UBXN2B: variants seen among roughly 807,000 people sequenced by gnomAD.
UBXN2B encodes the protein UBX domain-containing protein 2B.
A neutral mutation model predicts 37.5 loss-of-function variants in UBXN2B; 19 were observed. The ratio of observed to expected loss-of-function variants is 0.51; its 90% CI spans 0.35 to 0.74. The LOEUF is 0.74. UBXN2B is among the 30% of genes least tolerant of loss of function. The pLI is 0.01. For missense variants in UBXN2B, 370 were observed against 393.2 expected, an observed-to-expected ratio of 0.94 and a Z score of 0.50; for synonymous variants, 145 against 143.8, an observed-to-expected ratio of 1.01 and a Z score of -0.06.
intron 1 of UBXN2B, among the ~76,000 whole-genome samples, chr8:58,414,206 TCTCTAGTA>T (rs1156329736): frequency 3.3e-5 from 5 of 152,210 alleles, no homozygotes; most frequent in Non-Finnish European, 2.9e-5. Context: ...TATCGTTGAT[TCTCTAGTA>T]TGCATCTGTG....
At chr8:58,432,375 CTTTTT>C (rs34018318) in intron 3 of UBXN2B, among the ~76,000 whole-genome samples, 10,914 of 80,886 alleles carry the variant, frequency 0.13, 222 homozygotes, top group Middle Eastern at 0.21. Flanking sequence ...TTCTAAATTT[CTTTTT>C]TTTTTTTTTT....
chr8:58,422,475 A>G (rs999756362), intron 2 of UBXN2B, among the ~76,000 whole-genome samples: 3 of 152,272 alleles, frequency 2.0e-5, no homozygotes, highest in African/African-American at 7.2e-5. Flanking sequence ...TTTTCATTGA[A>G]ATATCCACAC....
intron 1 of UBXN2B, 48 bp downstream of exon 1, chr8:58,411,517 G>C (rs1441139712): frequency 3.2e-6 from 4 of 1,237,314 alleles, no homozygotes; most frequent in Non-Finnish European, 4.1e-6. Flanking sequence ...ACGCGGGCTG[G>C]TGACGGCGCG....
intron 5 of UBXN2B, among the ~76,000 whole-genome samples, chr8:58,437,135 T>C (rs1025614919): frequency 6.6e-6 from 1 of 152,100 alleles, no homozygotes; most frequent in African/African-American, 2.4e-5. Flanking sequence ...GATAGAAATA[T>C]GGACAGTGAA....
chr8:58,445,778 T>A, intron 6 of UBXN2B, 129 bp from the exon 7 acceptor site: 1 of 761,242 alleles, frequency 1.3e-6, no homozygotes, highest in Non-Finnish European at 1.9e-6. Context: ...AAAATAACTT[T>A]AATATAATGA....
intron 4 of UBXN2B, 95 bp from the exon 5 acceptor site, chr8:58,434,300 T>A (rs932948463): frequency 1.5e-5 from 5 of 328,894 alleles, no homozygotes; most frequent in Non-Finnish European, 2.6e-5. Context: ...GGATATCACA[T>A]TTGGAACTTA....
At chr8:58,424,697 G>A (rs562665468) in intron 2 of UBXN2B, 36 of 1,324,670 alleles carry the variant, frequency 2.7e-5, no homozygotes, top group Admixed American at 3.4e-5. Flanking sequence ...CGGGGGGGGG[G>A]GCTCTGATCT....
At chr8:58,445,549 T>G (rs935700329) in intron 6 of UBXN2B, among the ~76,000 whole-genome samples, 2 of 152,168 alleles carry the variant, frequency 1.3e-5, no homozygotes, top group East Asian at 3.9e-4. Flanking sequence ...AAATGATTGA[T>G]GTACTTACTC....
intron 7 of UBXN2B, 100 bp from the exon 8 acceptor site, chr8:58,447,289 T>TA: frequency 8.8e-7 from 1 of 1,137,732 alleles, no homozygotes. Context: ...CACCTTTATA[T>TA]AAAGATTAAA....
At chr8:58,426,616 C>G in intron 2 of UBXN2B, 1 of 747,538 alleles carries the variant, frequency 1.3e-6, no homozygotes, top group Non-Finnish European at 2.5e-6. Flanking sequence ...CTGTCAGCTC[C>G]TCTTATCAAC....
intron 6 of UBXN2B, among the ~76,000 whole-genome samples, chr8:58,443,208 G>A (rs1377631546): frequency 2.0e-5 from 3 of 152,086 alleles, no homozygotes; most frequent in Non-Finnish European, 4.4e-5. Flanking sequence ...AACCTGACGG[G>A]AATTCACATT....
chr8:58,433,300 TG>T, intron 4 of UBXN2B, 57 bp downstream of exon 4: 1 of 1,334,720 alleles, frequency 7.5e-7, no homozygotes, highest in Non-Finnish European at 1.0e-6. Context: ...TTACTAAAAC[TG>T]TTGGTTTTAA....
intron 6 of UBXN2B, among the ~76,000 whole-genome samples, chr8:58,443,267 C>T (rs1259346224): frequency 1.3e-5 from 2 of 152,214 alleles, no homozygotes; most frequent in East Asian, 1.9e-4. Context: ...CCATCCTCCT[C>T]TCCCTCCATA....
At chr8:58,424,507 A>G (rs945288381) in intron 2 of UBXN2B, 2 of 704,870 alleles carry the variant, frequency 2.8e-6, no homozygotes, top group African/African-American at 3.6e-5. Flanking sequence ...CTTCACATAA[A>G]CTTTCTTGCG....
chr8:58,438,678 TAGAA>T (rs1808477352), intron 5 of UBXN2B, among the ~76,000 whole-genome samples: 1 of 152,182 alleles, frequency 6.6e-6, no homozygotes, highest in South Asian at 2.1e-4. Flanking sequence ...GGATTATAGG[TAGAA>T]AGAAGATGGC....
intron 2 of UBXN2B, among the ~76,000 whole-genome samples, chr8:58,423,585 G>A (rs1440364048): frequency 8.6e-5 from 13 of 151,738 alleles, no homozygotes; most frequent in East Asian, 1.9e-4. Flanking sequence ...ACAGGCGCCC[G>A]CCACCACGCC....
intron 2 of UBXN2B, among the ~76,000 whole-genome samples, chr8:58,418,792 C>A (rs1217114854): frequency 6.6e-6 from 1 of 152,122 alleles, no homozygotes; most frequent in African/African-American, 2.4e-5. Context: ...ATATAAAATA[C>A]TGTATTTTTA....
chr8:58,441,348 C>CGTGT (rs1242681481), intron 6 of UBXN2B, among the ~76,000 whole-genome samples: 10 of 104,652 alleles, frequency 9.6e-5, no homozygotes, highest in African/African-American at 4.0e-4. Context: ...TTGTGATCAA[C>CGTGT]ATATATATAT....
At chr8:58,428,678 A>G (rs1808169398) in intron 2 of UBXN2B, among the ~76,000 whole-genome samples, 1 of 152,260 alleles carries the variant, frequency 6.6e-6, no homozygotes, top group South Asian at 2.1e-4. Context: ...TACTTCAGCA[A>G]TCAATAAATA....
Sources: allele counts gnomAD v4.1 joint callset (sites outside exome capture counted in the v4.1 genomes callset), GRCh38; gene constraint gnomAD v4.1.1; transcripts MANE v1.5; gene names NCBI Gene and HGNC (gene_info 2026-07-23, HGNC 2026-07-21).